The following STX16 variants were observed in gnomAD, a reference collection of about 807,000 sequenced individuals.
The protein encoded by STX16 is syntaxin-16.
STX16 carries 28 observed loss-of-function variants against 42.7 expected under a neutral mutation model. The ratio of observed to expected loss-of-function variants is 0.66; its 90% confidence interval spans 0.49 to 0.90. The LOEUF (loss-of-function observed/expected upper bound fraction) is 0.90, where lower values mean the gene tolerates loss of function less well. Ranked by LOEUF, STX16 falls within the 40% of genes least tolerant of loss-of-function variation. The pLI is 0.00. For synonymous variants in STX16, 156 were observed against 155.2 expected (o/e 1.00, Z -0.04); for missense variants, 361 against 420.9 (o/e 0.86, Z 1.24).
intron 1 of STX16, chr20:58,652,390 C>G (rs1431234958): frequency 3.3e-6 from 2 of 601,086 alleles, no homozygotes; most frequent in African/African-American, 1.8e-5. Context: ...CCCGCACCCC[C>G]CGCCTTGGCG....
At position 58,669,351 on chromosome 20, in the gene STX16, G is replaced by C; in HGVS notation, c.454G>C (p.Glu152Gln). The change falls in exon 5 of 9, where the codon GAG becomes CAG. Residue 152 changes from glutamate (E) to glutamine (Q), a missense_variant. Transcript: ENST00000371141. ...GCCGAGCCGGGCCCGGGCCTGCTCC[G>C]AGCAGGAGGGGCGGCTGCTTGGGAA... ...ALPSRARACS[E>Q]QEGRLLGNVV... 2 of 1,611,892 alleles carry C rather than the reference G, an allele frequency of 1.2e-6. No homozygotes were observed. The highest frequency in any genetic ancestry group is 1.7e-6 in the Non-Finnish European group (2 of 1,179,158).
chr20:58,673,704 T>C lies in STX16; in HGVS notation c.866T>C (p.Leu289Pro), dbSNP rs1250494241. The change falls in exon 8 of 9, where the codon CTT (leucine) becomes CCT (proline). Residue 289 changes from leucine to proline, a missense_variant. Physicochemically the swap from Leu to Pro is moderately conservative, Grantham distance 98. Coordinates refer to ENST00000371141, the MANE Select transcript of STX16 (RefSeq NM_001001433.3). The part of the protein sequence containing the change: ...CIKTEDGLKQ[L>P]HKAEQYQKKN... ...AAAACTGAAGATGGTTTGAAACAGC[T>C]TCACAAGGTAATATGTCTTTCAAGA... is the stretch of plus-strand genomic sequence containing the variant. 3.7e-6 allele frequency: 6 copies of C among 1,610,236 alleles called. No individual in the cohort carries two copies. Among genetic ancestry groups the C allele is most frequent in the Non-Finnish European group, 5.1e-6 (6 of 1,176,460 alleles).
Position 58,676,124 on chromosome 20 carries a change from G to A in STX16, c.874-63G>A, listed in dbSNP as rs148824399. The A allele has an allele frequency of 6.2e-3, 8,525 of 1,385,724 alleles. 65 individuals carry two copies. Among genetic ancestry groups the A allele is most frequent in the Middle Eastern group, 0.026 (145 of 5,616 alleles). The allele number at this position is 1,385,724 out of a possible 1,614,324, so 85.8% of individuals were successfully genotyped here. Reference sequence around the variant, plus strand: ...GATCTGGAAGCCTCATTCTGGAAACGAGTGGGACTTGATTTGGGATTTTGG... The same window carrying A: ...GATCTGGAAGCCTCATTCTGGAAACAAGTGGGACTTGATTTGGGATTTTGG... On this transcript the variant is annotated intron_variant, in intron 8 of 8. Coordinates refer to ENST00000371141, the MANE Select transcript of STX16 (RefSeq NM_001001433.3).
intron 2 of STX16, among the ~76,000 whole-genome samples, chr20:58,660,054 A>C (rs557848869): frequency 6.6e-6 from 1 of 152,298 alleles, no homozygotes; most frequent in African/African-American, 2.4e-5. Flanking sequence ...AGCCACGGCA[A>C]CTGTGGGAGG....
At position 58,673,634 on chromosome 20, in the gene STX16, A is replaced by G; in HGVS notation, c.796A>G (p.Thr266Ala). Residue 266 changes from threonine (T) to alanine (A), a missense_variant, in exon 8 of 9, where the codon ACA (threonine) becomes GCA (alanine). Thr to Ala is a moderately conservative substitution (Grantham distance 58, BLOSUM62 0). Transcript: ENST00000371141. Reference protein sequence around the residue: ...DLGAMIVEQGTVLDRIDYNVE... With the variant: ...DLGAMIVEQGAVLDRIDYNVE... ...GTAACTGTCATTTATTACCTAGGGTACAGTCCTTGACAGAATTGACTATAA... is the reference window on the plus strand; with the variant it reads ...GTAACTGTCATTTATTACCTAGGGTGCAGTCCTTGACAGAATTGACTATAA... 9 of 1,609,650 alleles carry G rather than the reference A, an allele frequency of 5.6e-6. No homozygotes were observed. The highest frequency in any genetic ancestry group is 7.7e-6 in the Non-Finnish European group (9 of 1,176,168).
rs954179791 is a variant in STX16 at position 58,667,473 on chromosome 20, C to T, written c.145-17C>T. 4 of 1,607,878 alleles carry T rather than the reference C, an allele frequency of 2.5e-6. No homozygotes were observed. The highest frequency in any genetic ancestry group is 3.4e-6 in the Non-Finnish European group (4 of 1,175,164). On this transcript the variant is annotated splice_polypyrimidine_tract_variant and intron_variant, in intron 2 of 8. Transcript: ENST00000371141. The stretch of plus-strand genomic sequence containing the variant: ...GGATTAGAATAATTTTTTTCATGTC[C>T]CTTTACTTTCCTGTAGCTTGCTGAT...
In STX16 at chr20:58,668,141, G is replaced by A; in HGVS notation, c.393+14G>A. 1 of 1,614,088 alleles carries A rather than the reference G, an allele frequency of 6.2e-7. No individual in the cohort carries two copies. Among genetic ancestry groups the A allele is most frequent in the Non-Finnish European group, 8.5e-7 (1 of 1,179,964 alleles). On this transcript the variant is annotated intron_variant, in intron 4 of 8. Coordinates refer to ENST00000371141, the MANE Select transcript of STX16 (RefSeq NM_001001433.3). ...GAGATCACTCAGGTGAGGAGTGCAA[G>A]TGAGTCCTGGGGAAACCAGCGAGCC...
At position 58,671,439 on chromosome 20, in the gene STX16, T is replaced by G. The variant is rs564606645; in HGVS notation, c.792+142T>G. 515 of 306,860 alleles carry G rather than the reference T, an allele frequency of 1.7e-3. 2 individuals carry two copies. In the South Asian group the frequency reaches 0.018, roughly 11 times the overall value. 19.0% of individuals were successfully genotyped at this position (306,860 alleles called of 1,614,324 possible). A position where few individuals can be genotyped will look rare whatever the true frequency, so the allele number is the denominator to read the frequency against. ...CACCTGTCCTTTATGTGTGTGTGGG[T>G]GTGTGTGTGTGTGTGTGTGTGTGTG... is the stretch of plus-strand genomic sequence containing the variant. On this transcript the variant is annotated intron_variant, in intron 7 of 8. Coordinates refer to ENST00000371141, the MANE Select transcript of STX16 (RefSeq NM_001001433.3).
rs898466614 is a variant in STX16, at chr20:58,651,595, G to C, written c.-412G>C. On this transcript the variant is annotated 5_prime_UTR_variant, in exon 1 of 9. Coordinates refer to ENST00000371141, the MANE Select transcript of STX16 (RefSeq NM_001001433.3). ...CCTAGACGCTTACGAGCCAAAGTTAGGGGTAGAGAGCAGAGACCTCCGGGG... is the reference window on the plus strand; with the variant it reads ...CCTAGACGCTTACGAGCCAAAGTTACGGGTAGAGAGCAGAGACCTCCGGGG... The C allele has an allele frequency of 2.2e-5, 4 of 179,706 alleles. No homozygotes were observed. The highest frequency in any genetic ancestry group is 4.8e-5 in the African/African-American group (2 of 41,900). 11.1% of individuals were successfully genotyped at this position (179,706 alleles called of 1,614,324 possible).
intron 7 of STX16, among the ~76,000 whole-genome samples, chr20:58,672,383 T>C (rs2084001912): frequency 6.6e-6 from 1 of 151,878 alleles, no homozygotes; most frequent in Admixed American, 6.6e-5. Flanking sequence ...GCTATGTATA[T>C]GAAACATTAA....
At chr20:58,668,176 C>T in intron 4 of STX16, 49 bp downstream of exon 4, 5 of 1,605,052 alleles carry the variant, frequency 3.1e-6, no homozygotes, top group Non-Finnish European at 4.3e-6. Flanking sequence ...CTTCTCATGG[C>T]AATCTCAGAA....
Position 58,676,308 on chromosome 20 carries a change from G to T in STX16, c.*17G>T. On this transcript the variant is annotated 3_prime_UTR_variant, in exon 9 of 9. Coordinates refer to ENST00000371141, the MANE Select transcript of STX16 (RefSeq NM_001001433.3). ...TCTCGATAAGTGGCATTGGGTTTTC[G>T]TGTGTGCCGCGCGTGTGGATCTCCC... 1 of 1,607,044 alleles carries T rather than the reference G, an allele frequency of 6.2e-7. No homozygotes were observed. The highest frequency in any genetic ancestry group is 2.2e-5 in the East Asian group (1 of 44,848).
intron 1 of STX16, among the ~76,000 whole-genome samples, chr20:58,652,638 T>C (rs1009543254): frequency 3.3e-5 from 5 of 151,984 alleles, no homozygotes; most frequent in Non-Finnish European, 7.4e-5. Context: ...TTTTGTTTTG[T>C]TTTTCCGCCC....
intron 8 of STX16, 52 bp from the exon 9 acceptor site, chr20:58,676,134 TG>T (rs1423836985): frequency 1.3e-6 from 2 of 1,497,574 alleles, no homozygotes; most frequent in African/African-American, 2.8e-5. Context: ...GAGTGGGACT[TG>T]ATTTGGGATT....
rs1380355755 is a variant in STX16 at position 58,677,671 on chromosome 20, G to T, written c.*1380G>T. The T allele has an allele frequency of 6.6e-6, 1 of 152,170 alleles. No homozygotes were observed. Among genetic ancestry groups the T allele is most frequent in the Non-Finnish European group, 1.5e-5 (1 of 68,032 alleles). 9.4% of individuals were successfully genotyped at this position (152,170 alleles called of 1,614,324 possible). On this transcript the variant is annotated 3_prime_UTR_variant, in exon 9 of 9. Coordinates refer to ENST00000371141, the MANE Select transcript of STX16 (RefSeq NM_001001433.3). ...TTTTTGCTTCTCTTAAAAAGTTTAA[G>T]AAGAATATGACCTCATTAAATGTGC...
chr20:58,653,070 T>C (rs754572552), intron 1 of STX16, among the ~76,000 whole-genome samples: 1 of 152,186 alleles, frequency 6.6e-6, no homozygotes, highest in Non-Finnish European at 1.5e-5. Context: ...ATGTCTTCAA[T>C]TGAAAAGTGA....
rs1197294574 is a variant in STX16 at position 58,677,215 on chromosome 20, A to G, written c.*924A>G. ...CTACATAATGACCTGTTCAAACCAG[A>G]CTCTATTTAATGAACTGTGAATTTA... On this transcript the variant is annotated 3_prime_UTR_variant, in exon 9 of 9. Transcript: ENST00000371141. The G allele has an allele frequency of 6.6e-6, 1 of 152,570 alleles. No homozygotes were observed. The highest frequency in any genetic ancestry group is 1.5e-5 in the Non-Finnish European group (1 of 68,024). 9.5% of individuals were successfully genotyped at this position (152,570 alleles called of 1,614,324 possible).
chr20:58,656,840 T>A (rs1351226543), intron 1 of STX16, among the ~76,000 whole-genome samples: 1 of 152,266 alleles, frequency 6.6e-6, no homozygotes, highest in African/African-American at 2.4e-5. Context: ...TGTGCCTGGC[T>A]CTGGGCTAAG....
chr20:58,661,002 G>A (rs1297824740), intron 2 of STX16, among the ~76,000 whole-genome samples: 1 of 151,722 alleles, frequency 6.6e-6, no homozygotes, highest in Non-Finnish European at 1.5e-5. Flanking sequence ...ATGCCTGTGT[G>A]GGGGTTTCCT....
Sources: allele counts gnomAD v4.1 joint callset (sites outside exome capture counted in the v4.1 genomes callset), GRCh38; gene constraint gnomAD v4.1.1; transcripts MANE v1.5; gene names NCBI Gene and HGNC (gene_info 2026-07-23, HGNC 2026-07-21).